The following NOL4L variants were observed in gnomAD, a reference collection of about 807,000 sequenced individuals.
The protein encoded by NOL4L is nucleolar protein 4 like, also known as nucleolar protein 4-like.
Under a neutral mutation model 64.5 loss-of-function variants are expected in NOL4L, and 7 were observed. The ratio of observed to expected loss-of-function variants is 0.11; its 90% CI spans 0.06 to 0.20. The LOEUF (loss-of-function observed/expected upper bound fraction) is 0.20. Among genes scored for constraint, NOL4L ranks in the 10% least tolerant of loss-of-function variants. The probability of loss-of-function intolerance (pLI) is 1.00; values close to 1 mark genes in which losing one functional copy is unlikely to be tolerated. For synonymous variants in NOL4L, 413 were observed against 401.0 expected, an observed-to-expected ratio of 1.03 and a Z score of -0.36; for missense variants, 680 against 967.1, an observed-to-expected ratio of 0.70 and a Z score of 3.94.
chr20:32,552,012 A>G (rs975544948), intron 1 of NOL4L, among the ~76,000 whole-genome samples: 1 of 151,640 alleles, frequency 6.6e-6, no homozygotes, highest in African/African-American at 2.4e-5. Context: ...CTGGTCTTGA[A>G]CTCCTGGGCT....
At chr20:32,578,011 G>A (rs935240963) in intron 1 of NOL4L, among the ~76,000 whole-genome samples, 12 of 151,896 alleles carry the variant, frequency 7.9e-5, no homozygotes, top group African/African-American at 2.9e-4. Flanking sequence ...TCCTAGAAGA[G>A]GAATATGATT....
At chr20:32,461,294 G>C (rs2014023013) in intron 5 of NOL4L, among the ~76,000 whole-genome samples, 1 of 151,814 alleles carries the variant, frequency 6.6e-6, no homozygotes, top group African/African-American at 2.4e-5. Context: ...CCCTCTTCCT[G>C]CTCCACTCTG....
At chr20:32,515,160 G>C (rs1276503486) in intron 3 of NOL4L, among the ~76,000 whole-genome samples, 1 of 152,102 alleles carries the variant, frequency 6.6e-6, no homozygotes, top group Admixed American at 6.5e-5. Context: ...TCCTTGGCCT[G>C]TTCCCACCCC....
intron 10 of NOL4L, among the ~76,000 whole-genome samples, chr20:32,450,962 A>G (rs2012835810): frequency 6.6e-6 from 1 of 151,990 alleles, no homozygotes; most frequent in African/African-American, 2.4e-5. Context: ...TCTTCCAGGG[A>G]CCTGCATACA....
intron 1 of NOL4L, among the ~76,000 whole-genome samples, chr20:32,555,703 C>T (rs779241325): frequency 1.3e-5 from 2 of 152,122 alleles, no homozygotes; most frequent in Non-Finnish European, 2.9e-5. Flanking sequence ...AGGATACAGA[C>T]GTTCACAGAG....
At chr20:32,551,850 G>A (rs1215583074) in intron 1 of NOL4L, among the ~76,000 whole-genome samples, 1 of 152,130 alleles carries the variant, frequency 6.6e-6, no homozygotes, top group Non-Finnish European at 1.5e-5. Flanking sequence ...ATGCAGTGGT[G>A]TAATCATAAC....
At chr20:32,497,596 G>A (rs2016745452) in intron 4 of NOL4L, among the ~76,000 whole-genome samples, 1 of 152,184 alleles carries the variant, frequency 6.6e-6, no homozygotes, top group Non-Finnish European at 1.5e-5. Context: ...AACGGAACGG[G>A]ACTTAGCCAC....
At chr20:32,461,073 A>C (rs1006632334) in intron 5 of NOL4L, among the ~76,000 whole-genome samples, 3 of 152,168 alleles carry the variant, frequency 2.0e-5, no homozygotes, top group African/African-American at 7.2e-5. Flanking sequence ...CTCATGAACC[A>C]ACAGGGGCAG....
intron 1 of NOL4L, among the ~76,000 whole-genome samples, chr20:32,574,820 C>G (rs935680006): frequency 6.6e-6 from 1 of 152,096 alleles, no homozygotes; most frequent in African/African-American, 2.4e-5. Context: ...CCCACCGCCA[C>G]AGGCTGCCAG....
chr20:32,571,470 G>GT (rs35318718), intron 1 of NOL4L, among the ~76,000 whole-genome samples: 2 of 152,236 alleles, frequency 1.3e-5, no homozygotes, highest in East Asian at 3.8e-4. Context: ...GCCTCCCAGA[G>GT]TGCTAGGATT....
Position 32,451,014 on chromosome 20 carries a change from G to A in NOL4L, c.1822+1222C>T, listed in dbSNP as rs577209051. ...GGTGGCGGGGGTCAAGGCGAGTGGA[G>A]GCAGCCTGGGCTTCCTGCCATGGGT... is the stretch of plus-strand genomic sequence containing the variant. On this transcript the variant is annotated intron_variant, in intron 10 of 10. Transcript: ENST00000621426. Among the ~76,000 whole-genome samples, 254 of 152,280 alleles carry A rather than the reference G, an allele frequency of 1.7e-3. 1 individual carries two copies. The highest frequency in any genetic ancestry group is 5.5e-3 in the African/African-American group (227 of 41,552).
chr20:32,521,710 G>GC (rs1381397749), intron 2 of NOL4L, among the ~76,000 whole-genome samples: 3 of 152,216 alleles, frequency 2.0e-5, no homozygotes. Context: ...GTGGCTGTGG[G>GC]CCTAGGTGTC....
intron 1 of NOL4L, among the ~76,000 whole-genome samples, chr20:32,534,236 A>G (rs1028001473): frequency 2.0e-5 from 3 of 152,234 alleles, no homozygotes; most frequent in African/African-American, 7.2e-5. Context: ...CCACAGAGAA[A>G]GGCCTTAGGA....
intron 4 of NOL4L, among the ~76,000 whole-genome samples, chr20:32,488,362 T>C (rs1434151003): frequency 6.6e-6 from 1 of 152,190 alleles, no homozygotes; most frequent in African/African-American, 2.4e-5. Flanking sequence ...CAATGGTGCA[T>C]TGTGGAAATG....
Position 32,453,284 on chromosome 20 carries a change from G to A in NOL4L, c.1497+20C>T, listed in dbSNP as rs1200231634. The A allele has an allele frequency of 6.2e-7, 1 of 1,607,836 alleles. No individual in the cohort carries two copies. The highest frequency in any genetic ancestry group is 1.3e-5 in the African/African-American group (1 of 74,862). On this transcript the variant is annotated intron_variant, in intron 8 of 10. Transcript: ENST00000621426. This position sits in a 1 kb window ranked among gnomAD's most constrained non-coding sequence, Gnocchi z 5.6. ...GTAGTGGCACCGAGGGAAAGTGTGGGCCAGGCAGGGGGGACTCACCATCTC... is the reference window on the plus strand; with the variant it reads ...GTAGTGGCACCGAGGGAAAGTGTGGACCAGGCAGGGGGGACTCACCATCTC...
intron 10 of NOL4L, among the ~76,000 whole-genome samples, chr20:32,451,213 T>G (rs2012868465): frequency 6.6e-6 from 1 of 152,152 alleles, no homozygotes; most frequent in African/African-American, 2.4e-5. Context: ...TTCCCTTCAT[T>G]CCCTGGCTTC....
chr20:32,537,860 C>T (rs1352131803), intron 1 of NOL4L, among the ~76,000 whole-genome samples: 2 of 151,906 alleles, frequency 1.3e-5, no homozygotes, highest in Non-Finnish European at 2.9e-5. Flanking sequence ...CTCACTGCAA[C>T]CTCCGGCTCC....
intron 2 of NOL4L, among the ~76,000 whole-genome samples, chr20:32,525,995 T>C (rs2018119422): frequency 6.6e-6 from 1 of 152,166 alleles, no homozygotes; most frequent in Non-Finnish European, 1.5e-5. Context: ...TGGCTTCAAG[T>C]GATCTGCCTG....
Position 32,478,273 on chromosome 20 carries a change from A to ACACACACACACACACT in NOL4L, c.700-3532_700-3531insAGTGTGTGTGTGTGTG, listed in dbSNP as rs1373957221. Among the ~76,000 whole-genome samples, 9 of 143,432 alleles carry ACACACACACACACACT rather than the reference A, an allele frequency of 6.3e-5. No individual in the cohort carries two copies. In the South Asian group the frequency reaches 8.9e-4, roughly 14 times the overall value. The allele number at this position is 143,432 out of a possible 152,430, so 94.1% of individuals were successfully genotyped here. ...CACACACACACACACACACACACACACTCTCTCTCTCTCTCTCTCATGCAT... is the reference window on the plus strand; with the variant it reads ...CACACACACACACACACACACACACACACACACACACACACTCTCTCTCTCTCTCTCTCTCATGCAT... On this transcript the variant is annotated intron_variant, in intron 4 of 10. Coordinates refer to ENST00000621426, the MANE Select transcript of NOL4L (RefSeq NM_001256798.2).
Sources: allele counts gnomAD v4.1 joint callset (sites outside exome capture counted in the v4.1 genomes callset), GRCh38; gene constraint gnomAD v4.1.1; non-coding constraint Gnocchi (gnomAD v3.1); transcripts MANE v1.5; gene names NCBI Gene and HGNC (gene_info 2026-07-23, HGNC 2026-07-21).